The following KRT20 variants were observed in gnomAD, a reference collection of about 807,000 sequenced individuals.
KRT20 encodes the protein keratin, type I cytoskeletal 20.
KRT20 carries 41 observed loss-of-function variants against 43.0 expected under a neutral mutation model. That is an observed-to-expected ratio of 0.95 (90% confidence interval 0.74 to 1.24). The LOEUF (loss-of-function observed/expected upper bound fraction) is 1.24, where lower values mean the gene tolerates loss of function less well. Ranked by LOEUF, KRT20 falls within the 50% of genes most tolerant of loss-of-function variation. The probability of loss-of-function intolerance (pLI) is 0.00; values close to 1 mark genes in which losing one functional copy is unlikely to be tolerated. For synonymous variants in KRT20, 207 were observed against 200.6 expected (o/e 1.03, Z -0.27); for missense variants, 533 against 521.2 (o/e 1.02, Z -0.22).
At chr17:40,882,402 G>A (rs753594038) in intron 2 of KRT20, 170 bp downstream of exon 2, 3 of 309,910 alleles carry the variant, frequency 9.7e-6, no homozygotes, top group African/African-American at 2.2e-5. Context: ...GGCCATCCCT[G>A]AGTGCTGGGT....
At chr17:40,882,675 A>G in intron 1 of KRT20, 21 bp from the exon 2 acceptor site, 1 of 1,083,582 alleles carries the variant, frequency 9.2e-7, no homozygotes, top group South Asian at 2.2e-5. Flanking sequence ...CATGAGAAAG[A>G]ATGACATTTT....
chr17:40,876,459 C>T lies in KRT20; in HGVS notation c.1178-1G>A, dbSNP rs1159081588. ...TTAATCTTCCTGGTTTTCTTTATAT[C>T]TGAATTCATATTAAACATTAAATGT... On this transcript the variant is annotated splice_acceptor_variant, in intron 7 of 7. Transcript: ENST00000167588. LOFTEE classifies it high-confidence loss of function. 3 of 1,580,026 alleles carry T rather than the reference C, an allele frequency of 1.9e-6. No homozygotes were observed. The highest frequency in any genetic ancestry group is 1.1e-5 in the South Asian group (1 of 90,074).
chr17:40,877,995 T>A, intron 6 of KRT20, 150 bp downstream of exon 6: 1 of 697,572 alleles, frequency 1.4e-6, no homozygotes, highest in Non-Finnish European at 2.5e-6. Context: ...TTTTGGTATA[T>A]TTTCGTTTTG....
Position 40,877,421 on chromosome 17 carries a change from T to G in KRT20, c.1140-4A>C, listed in dbSNP as rs563272869. The G allele has an allele frequency of 2.3e-5, 23 of 988,180 alleles. No individual in the cohort carries two copies. In the Admixed American group the frequency reaches 3.3e-4, roughly 14 times the overall value. 61.2% of individuals were successfully genotyped at this position (988,180 alleles called of 1,614,324 possible). A position where few individuals can be genotyped will look rare whatever the true frequency, so the allele number is the denominator to read the frequency against. ...GCTTAACTGATATTCTGTAGTTCTG[T>G]TTTTTTTTTTAATGAAAAGAAGAAA... On this transcript the variant is annotated splice_region_variant and splice_polypyrimidine_tract_variant and intron_variant, in intron 6 of 7. Coordinates refer to ENST00000167588, the MANE Select transcript of KRT20 (RefSeq NM_019010.3).
chr17:40,882,003 G>A, intron 2 of KRT20, among the ~76,000 whole-genome samples: 1 of 152,006 alleles, frequency 6.6e-6, no homozygotes, highest in East Asian at 1.9e-4. Context: ...CTCCGGAGTA[G>A]CTGGGATTAC....
rs1300344103 is a variant in KRT20 at position 40,878,156 on chromosome 17, T to G, written c.1128A>C (p.Gly376=). ...EIATYRRLLE[G]EDVKTTEYQL... ...TCTAAGAGCCTTACTTTACGTCTTC[T>G]CCTTCCAGAAGGCGGCGGTAAGTAG... Residue 376 remains glycine (G), a synonymous_variant, in exon 6 of 8, where the codon GGA becomes GGC. Transcript: ENST00000167588. 1.2e-6 allele frequency: 2 copies of G among 1,613,828 alleles called. No individual in the cohort carries two copies. The highest frequency in any genetic ancestry group is 4.5e-5 in the East Asian group (2 of 44,878).
At chr17:40,878,581 C>T (rs977474843) in intron 5 of KRT20, among the ~76,000 whole-genome samples, 6 of 152,104 alleles carry the variant, frequency 3.9e-5, no homozygotes, top group African/African-American at 1.2e-4. Context: ...TAGCTTTGCA[C>T]CTACTGTTCT....
intron 5 of KRT20, among the ~76,000 whole-genome samples, chr17:40,879,363 C>T (rs2240076): frequency 0.36 from 53,972 of 151,938 alleles, 9,848 homozygotes; most frequent in East Asian, 0.56. Context: ...GTATAATGGA[C>T]ACATACAGGG....
chr17:40,884,787 A>G lies in KRT20; in HGVS notation c.390+9T>C, dbSNP rs776291503. 1.2e-6 allele frequency: 2 copies of G among 1,606,054 alleles called. No homozygotes were observed. Among genetic ancestry groups the G allele is most frequent in the Non-Finnish European group, 1.7e-6 (2 of 1,174,600 alleles). On this transcript the variant is annotated intron_variant, in intron 1 of 7. Transcript: ENST00000167588. ...ACACAGAGTAGGAAACACAAGCATC[A>G]TCTCTCACCTGACTTCGCAGCTCTT...
At position 40,877,415 on chromosome 17, in the gene KRT20, G is replaced by C. The variant is rs1907396755; in HGVS notation, c.1142C>G (p.Thr381Ser). ...CAGGGTGCTTAACTGATATTCTGTA[G>C]TTCTGTTTTTTTTTTTAATGAAAAG... ...RRLLEGEDVK[T>S]TEYQLSTLEE... Residue 381 changes from threonine (T) to serine (S), a missense_variant and splice_region_variant, in exon 7 of 8, where the codon ACT becomes AGT. Coordinates refer to ENST00000167588, the MANE Select transcript of KRT20 (RefSeq NM_019010.3). 6.7e-7 allele frequency: 1 copy of C among 1,493,104 alleles called. No individual in the cohort carries two copies. Among genetic ancestry groups the C allele is most frequent in the Non-Finnish European group, 8.9e-7 (1 of 1,125,670 alleles). The allele number at this position is 1,493,104 out of a possible 1,614,324, so 92.5% of individuals were successfully genotyped here.
At chr17:40,880,863 C>T (rs1907566455) in intron 2 of KRT20, 93 bp from the exon 3 acceptor site, 1 of 936,790 alleles carries the variant, frequency 1.1e-6, no homozygotes. Flanking sequence ...TTAAATGTGG[C>T]TTATGAGGAG....
In KRT20 at chr17:40,884,911, T is replaced by C. The variant is rs144111662; in HGVS notation, c.275A>G (p.Glu92Gly). Residue 92 changes from glutamate (E) to glycine (G), a missense_variant, in exon 1 of 8, where the codon GAG becomes GGG. Coordinates refer to ENST00000167588, the MANE Select transcript of KRT20 (RefSeq NM_019010.3). ...CACTTCAAGTTTGGAGTTGGACTGC[T>C]CCAGGGTCCGCACCTTTTCTAGGTA... ...ASYLEKVRTL[E>G]QSNSKLEVQI... 2 of 1,614,106 alleles carry C rather than the reference T, an allele frequency of 1.2e-6. No individual in the cohort carries two copies. The highest frequency in any genetic ancestry group is 2.7e-5 in the African/African-American group (2 of 74,942).
intron 2 of KRT20, chr17:40,882,344 T>C (rs570754404): frequency 5.3e-4 from 137 of 256,242 alleles, no homozygotes; most frequent in Admixed American, 1.0e-3. Flanking sequence ...AGGAGAATAG[T>C]AGTTACTGGA....
At chr17:40,880,558 A>G in intron 3 of KRT20, 56 bp downstream of exon 3, 7 of 1,449,140 alleles carry the variant, frequency 4.8e-6, no homozygotes, top group Non-Finnish European at 6.7e-6. Context: ...TCCTATTATT[A>G]GTATTATATA....
At chr17:40,879,491 A>C (rs1261714020) in intron 5 of KRT20, among the ~76,000 whole-genome samples, 1 of 152,096 alleles carries the variant, frequency 6.6e-6, no homozygotes, top group East Asian at 1.9e-4. Context: ...CTGTACAACA[A>C]ATCCCCATGA....
At position 40,882,587 on chromosome 17, in the gene KRT20, T is replaced by C; in HGVS notation, c.458A>G (p.Glu153Gly). 1 of 1,570,378 alleles carries C rather than the reference T, an allele frequency of 6.4e-7. No individual in the cohort carries two copies. Among genetic ancestry groups the C allele is most frequent in the Non-Finnish European group, 8.6e-7 (1 of 1,156,276 alleles). ...GGGAACCTACTTCAGTCTGAAGTCC[T>C]CAGCAGCCAGTTTAGCATTATCAAT... ...LQIDNAKLAA[E>G]DFRLKYETER... is the part of the protein sequence containing the mutation. The change falls in exon 2 of 8, where the codon GAG becomes GGG. Residue 153 changes from glutamate (E) to glycine (G), a missense_variant. Physicochemically the swap from Glu to Gly is moderately conservative, Grantham distance 98 (BLOSUM62 -2). Transcript: ENST00000167588.
At position 40,884,881 on chromosome 17, in the gene KRT20, A is replaced by G; in HGVS notation, c.305T>C (p.Ile102Thr). ...EQSNSKLEVQIKQWYETNAPR... is the reference protein window; with the variant it reads ...EQSNSKLEVQTKQWYETNAPR... ...GGCGTTGGTTTCGTACCACTGCTTG[A>G]TTTGCACTTCAAGTTTGGAGTTGGA... The change falls in exon 1 of 8, where the codon ATC becomes ACC. Residue 102 changes from isoleucine to threonine, a missense_variant. Transcript: ENST00000167588. 1.2e-6 allele frequency: 2 copies of G among 1,614,090 alleles called. No individual in the cohort carries two copies. Among genetic ancestry groups the G allele is most frequent in the East Asian group, 4.5e-5 (2 of 44,886 alleles).
intron 1 of KRT20, among the ~76,000 whole-genome samples, chr17:40,882,961 C>T (rs914057724): frequency 1.3e-5 from 2 of 152,162 alleles, no homozygotes; most frequent in Middle Eastern, 3.4e-3. Context: ...CTGCCTGCCT[C>T]GGCCTCCCAA....
chr17:40,884,600 A>G lies in KRT20; in HGVS notation c.390+196T>C, dbSNP rs149250732. Among the ~76,000 whole-genome samples the G allele has an allele frequency of 1.1e-4, 17 of 152,364 alleles. No homozygotes were observed. The East Asian group carries it at 3.3e-3, about 29-fold the overall frequency. ...TGTATGTAATTGTGTTAAACATTAA[A>G]AATAGCATGATTTAAGGTCATCCTG... is the stretch of plus-strand genomic sequence containing the variant. On this transcript the variant is annotated intron_variant, in intron 1 of 7. Transcript: ENST00000167588.
Sources: allele counts gnomAD v4.1 joint callset (sites outside exome capture counted in the v4.1 genomes callset), GRCh38; gene constraint gnomAD v4.1.1; transcripts MANE v1.5; gene names NCBI Gene and HGNC (gene_info 2026-07-23, HGNC 2026-07-21).